FUT8: variants seen among roughly 807,000 people sequenced by gnomAD.
FUT8 encodes the protein fucosyltransferase 8.
FUT8 carries 29 observed loss-of-function variants against 71.3 expected under a neutral mutation model. That is an observed-to-expected ratio of 0.41 (90% CI 0.30 to 0.55). The LOEUF (loss-of-function observed/expected upper bound fraction) is 0.55. Ranked by LOEUF, FUT8 falls within the 20% of genes least tolerant of loss-of-function variation. The pLI, the probability that FUT8 is intolerant of heterozygous loss-of-function variation, is 0.34. For synonymous variants in FUT8, 254 were observed against 239.3 expected (o/e 1.06, Z -0.57); for missense variants, 544 against 702.1 (o/e 0.77, Z 2.55).
chr14:65,669,200 T>C lies in FUT8; in HGVS notation c.598-43T>C. ...AAAAAAAAAGAGCAGTTGACCTCTC[T>C]GTACAACTTATCTTTATTTTCATTT... On this transcript the variant is annotated intron_variant, in intron 6 of 10. Transcript: ENST00000673929. The surrounding 1 kb of genome is among the most constrained non-coding windows in gnomAD (Gnocchi z 4.5). 6.8e-7 allele frequency: 1 copy of C among 1,467,896 alleles called. No homozygotes were observed. The highest frequency in any genetic ancestry group is 9.5e-7 in the Non-Finnish European group (1 of 1,055,480). The allele number at this position is 1,467,896 out of a possible 1,614,324, so 90.9% of individuals were successfully genotyped here.
At chr14:65,571,361 A>G (rs1278178400) in intron 3 of FUT8, among the ~76,000 whole-genome samples, 1 of 152,184 alleles carries the variant, frequency 6.6e-6, no homozygotes, top group Non-Finnish European at 1.5e-5. Context: ...AATCATGCAC[A>G]TAGCAGTGAT....
chr14:65,390,914 G>C, the FUT8 span, among the ~76,000 whole-genome samples: 1 of 152,044 alleles, frequency 6.6e-6, no homozygotes, highest in Non-Finnish European at 1.5e-5. Context: ...TTTTAGTAGA[G>C]ACAGGGTTTC....
At chr14:65,683,587 AC>A (rs1262097304) in intron 7 of FUT8, among the ~76,000 whole-genome samples, 1 of 152,218 alleles carries the variant, frequency 6.6e-6, no homozygotes, top group Non-Finnish European at 1.5e-5. Flanking sequence ...AAAATATTAA[AC>A]TACATTGGGA....
At chr14:65,381,574 CCTTCTACCTTCTTTG>C in the FUT8 span, among the ~76,000 whole-genome samples, 1 of 152,158 alleles carries the variant, frequency 6.6e-6, no homozygotes, top group Non-Finnish European at 1.5e-5. Flanking sequence ...TGACCCTTTG[CCTTCTACCTTCTTTG>C]CTCTCAGCAG....
At chr14:65,439,962 A>G (rs868791825) in intron 1 of FUT8, among the ~76,000 whole-genome samples, 1,686 of 113,828 alleles carry the variant, frequency 0.015, 43 homozygotes, top group East Asian at 0.017. Context: ...GTGTATATAT[A>G]TATATATATA....
intron 3 of FUT8, among the ~76,000 whole-genome samples, chr14:65,595,116 T>C (rs894633111): frequency 9.9e-5 from 15 of 152,178 alleles, no homozygotes; most frequent in Admixed American, 6.5e-5. Flanking sequence ...AAAACCACTT[T>C]CAAATGTGTA....
chr14:65,388,693 C>T, the FUT8 span, among the ~76,000 whole-genome samples: 4 of 152,016 alleles, frequency 2.6e-5, no homozygotes, highest in Admixed American at 2.0e-4. Context: ...ACCCAGGAGG[C>T]GGAGGTTGCA....
intron 6 of FUT8, among the ~76,000 whole-genome samples, chr14:65,633,808 G>C (rs1890362277): frequency 6.6e-6 from 1 of 151,980 alleles, no homozygotes; most frequent in African/African-American, 2.4e-5. Context: ...GAGAAGTGAG[G>C]AGCGTCTCCG....
intron 2 of FUT8, among the ~76,000 whole-genome samples, chr14:65,545,246 G>C (rs1196576994): frequency 6.6e-6 from 1 of 151,884 alleles, no homozygotes; most frequent in Non-Finnish European, 1.5e-5. Context: ...AATAAATTCT[G>C]TAACAATATT....
intron 2 of FUT8, among the ~76,000 whole-genome samples, chr14:65,531,462 C>T (rs1253925220): frequency 6.6e-6 from 1 of 151,680 alleles, no homozygotes; most frequent in Non-Finnish European, 1.5e-5. Flanking sequence ...CAGAATTGTA[C>T]ATTGTGAGTC....
the FUT8 span, among the ~76,000 whole-genome samples, chr14:65,368,820 C>T: frequency 1.3e-5 from 2 of 152,096 alleles, no homozygotes; most frequent in African/African-American, 4.8e-5. Context: ...CCGCGCCCGG[C>T]CTATTTTTTG....
intron 1 of FUT8, among the ~76,000 whole-genome samples, chr14:65,445,196 A>T (rs1258935188): frequency 6.6e-6 from 1 of 151,466 alleles, no homozygotes; most frequent in Non-Finnish European, 1.5e-5. Context: ...ACAGAGCGAA[A>T]CTCTGTCTCA....
intron 2 of FUT8, among the ~76,000 whole-genome samples, chr14:65,533,656 G>T (rs1884101531): frequency 6.6e-6 from 1 of 152,024 alleles, no homozygotes; most frequent in Non-Finnish European, 1.5e-5. Flanking sequence ...GATTGCTCTT[G>T]AAAGGACTTC....
intron 2 of FUT8, among the ~76,000 whole-genome samples, 173 bp from the exon 3 acceptor site, chr14:65,561,164 T>C (rs1885895944): frequency 6.6e-6 from 1 of 152,162 alleles, no homozygotes; most frequent in African/African-American, 2.4e-5. Context: ...CATGGCTGAT[T>C]TAATATACAG....
intron 7 of FUT8, among the ~76,000 whole-genome samples, chr14:65,707,291 A>T (rs1894601317): frequency 6.6e-6 from 1 of 152,128 alleles, no homozygotes. Context: ...GTTGACCGTT[A>T]GTATCTCTTC....
chr14:65,513,200 C>T (rs1230516186), intron 2 of FUT8, among the ~76,000 whole-genome samples: 1 of 152,136 alleles, frequency 6.6e-6, no homozygotes, highest in African/African-American at 2.4e-5. Context: ...AAAAAGCATT[C>T]ACAGTGTTTT....
At position 65,632,024 on chromosome 14, in the gene FUT8, G is replaced by A. The variant is rs529103507; in HGVS notation, c.597+2418G>A. 5.0e-4 allele frequency among the ~76,000 whole-genome samples: 76 copies of A among 152,230 alleles called. No individual in the cohort carries two copies. In the South Asian group the frequency reaches 0.015, roughly 29 times the overall value. On this transcript the variant is annotated intron_variant, in intron 6 of 10. Coordinates refer to ENST00000673929, the MANE Select transcript of FUT8 (RefSeq NM_001371533.1). ...TCTCATGGAAGTCGCTGCAAATGTC[G>A]TTAATTCATTCCTTTTTATGGCCAA...
chr14:65,490,240 G>A (rs1301089769), intron 2 of FUT8, among the ~76,000 whole-genome samples: 1 of 151,978 alleles, frequency 6.6e-6, no homozygotes, highest in East Asian at 1.9e-4. Flanking sequence ...GGTAAGCTCA[G>A]GATTTCTGAA....
intron 3 of FUT8, among the ~76,000 whole-genome samples, chr14:65,602,149 C>T (rs1274876930): frequency 6.6e-6 from 1 of 151,242 alleles, no homozygotes; most frequent in Non-Finnish European, 1.5e-5. Context: ...TCCCCCGAGT[C>T]CCCAAAGTCC....
Sources: gnomAD v4.1 joint callset for allele counts (sites outside exome capture counted in the v4.1 genomes callset) on GRCh38, gnomAD v4.1.1 for gene constraint, Gnocchi (gnomAD v3.1) non-coding constraint, MANE v1.5 for transcripts, NCBI Gene and HGNC (gene_info 2026-07-23, HGNC 2026-07-21) for gene names.